Variants in MECR observed in about 807,000 individuals in gnomAD.
The protein encoded by MECR is mitochondrial trans-2-enoyl-CoA reductase, also known as enoyl-[acyl-carrier-protein] reductase, mitochondrial.
In MECR, 37 loss-of-function variants were observed where a neutral mutation model predicts 49.1. The observed-to-expected ratio is 0.75, with a 90% CI of 0.58 to 0.99. The LOEUF is 0.99. Ranked by LOEUF, MECR falls within the 50% of genes least tolerant of loss-of-function variation. The pLI, the probability that MECR is intolerant of heterozygous loss-of-function variation, is 0.00. For missense variants in MECR, 470 were observed against 479.6 expected (o/e 0.98, Z 0.19); for synonymous variants, 198 against 191.1 (o/e 1.04, Z -0.30).
the MECR span, chr1:29,169,035 A>G: frequency 6.0e-4 from 91 of 152,392 alleles, no homozygotes; most frequent in African/African-American, 1.8e-3. Context: ...ACTATTTTTA[A>G]CATGCAGCCC....
chr1:29,194,130 G>A lies in MECR; in HGVS notation c.1014C>T (p.Gly338=). 1 of 1,614,042 alleles carries A rather than the reference G, an allele frequency of 6.2e-7. No individual in the cohort carries two copies. Among genetic ancestry groups the A allele is most frequent in the South Asian group, 1.1e-5 (1 of 91,072 alleles). The change falls in exon 10 of 10, where the codon GGC becomes GGT. Residue 338 remains glycine (G), a synonymous_variant. Coordinates refer to ENST00000263702, the MANE Select transcript of MECR (RefSeq NM_016011.5). ...ILTLCDLIRR[G]QLTAPACSQV... Reference sequence around the variant, plus strand: ...GGGAGCAGGCAGGGGCTGTGAGCTGGCCTCGGCGGATGAGATCGCACAGTG... The same window carrying A: ...GGGAGCAGGCAGGGGCTGTGAGCTGACCTCGGCGGATGAGATCGCACAGTG...
At position 29,194,148 on chromosome 1, in the gene MECR, G is replaced by T; in HGVS notation, c.996C>A (p.Cys332Ter). 1 of 1,613,130 alleles carries T rather than the reference G, an allele frequency of 6.2e-7. No homozygotes were observed. The highest frequency in any genetic ancestry group is 8.5e-7 in the Non-Finnish European group (1 of 1,179,538). Residue 332 changes from cysteine to a stop codon, truncating the protein, a stop_gained, in exon 10 of 10, where the codon TGC (cysteine) becomes TGA (stop). Coordinates refer to ENST00000263702, the MANE Select transcript of MECR (RefSeq NM_016011.5). LOFTEE classifies it high-confidence loss of function. ...DQFKELILTL[C>*]DLIRRGQLTA... Reference sequence around the variant, plus strand: ...TGAGCTGGCCTCGGCGGATGAGATCGCACAGTGTGAGGATCAGCTCCTTGA... The same window carrying T: ...TGAGCTGGCCTCGGCGGATGAGATCTCACAGTGTGAGGATCAGCTCCTTGA...
rs762863000 is a variant in MECR, at chr1:29,201,786, C to T, written c.756+157G>A. 2.6e-5 allele frequency among the ~76,000 whole-genome samples: 4 copies of T among 152,146 alleles called. No individual in the cohort carries two copies. The highest frequency in any genetic ancestry group is 1.3e-4 in the Admixed American group (2 of 15,256). On this transcript the variant is annotated intron_variant, in intron 6 of 9. Coordinates refer to ENST00000263702, the MANE Select transcript of MECR (RefSeq NM_016011.5). The surrounding 1 kb of genome is among the most constrained non-coding windows in gnomAD (Gnocchi z 4.3). ...TGGGCACTTAATGCGTGCTGCCTGCCGCCTGGCTAGGGGGAATGGGCTTTA... is the reference window on the plus strand; with the variant it reads ...TGGGCACTTAATGCGTGCTGCCTGCTGCCTGGCTAGGGGGAATGGGCTTTA...
At chr1:29,168,739 A>C in the MECR span, 1 of 152,206 alleles carries the variant, frequency 6.6e-6, no homozygotes, top group African/African-American at 2.4e-5. Flanking sequence ...GGCTCAGCAA[A>C]AATTAGACCA....
chr1:29,195,944 G>C lies in MECR; in HGVS notation c.961C>G (p.Pro321Ala). 6.2e-7 allele frequency: 1 copy of C among 1,614,196 alleles called. No homozygotes were observed. Among genetic ancestry groups the C allele is most frequent in the Non-Finnish European group, 8.5e-7 (1 of 1,180,024 alleles). Residue 321 changes from proline (P) to alanine (A), a missense_variant, in exon 9 of 10, where the codon CCA becomes GCA. Transcript: ENST00000263702. ...TGGCACTGGGCCATGCACTCACCTGGACTGTGATCCTTCTTCCACTGGGAC... is the reference window on the plus strand; with the variant it reads ...TGGCACTGGGCCATGCACTCACCTGCACTGTGATCCTTCTTCCACTGGGAC... The part of the protein sequence containing the change: ...WLSQWKKDHS[P>A]DQFKELILTL...
chr1:29,187,033 CAGAT>C, the MECR span, among the ~76,000 whole-genome samples: 2 of 152,198 alleles, frequency 1.3e-5, no homozygotes, highest in Non-Finnish European at 2.9e-5. Context: ...TTCCTGCCTT[CAGAT>C]GCAAGCAGAT....
intron 6 of MECR, 31 bp from the exon 7 acceptor site, chr1:29,200,620 C>T: frequency 6.3e-7 from 1 of 1,597,630 alleles, no homozygotes; most frequent in Non-Finnish European, 8.6e-7. Context: ...AGTGAGGGAG[C>T]ATCCCCGCTC....
At chr1:29,228,280 CA>C (rs983261453) in intron 1 of MECR, among the ~76,000 whole-genome samples, 1 of 149,540 alleles carries the variant, frequency 6.7e-6, no homozygotes, top group Admixed American at 6.7e-5. Context: ...TGGGCAAATA[CA>C]AAAAATAAAA....
the MECR span, chr1:29,171,447 T>C: frequency 6.7e-6 from 1 of 148,740 alleles, no homozygotes; most frequent in Non-Finnish European, 1.5e-5. Flanking sequence ...ATTTCCGGAG[T>C]TGTCAATAAC....
the MECR span, among the ~76,000 whole-genome samples, chr1:29,179,363 T>C: frequency 6.6e-6 from 1 of 152,122 alleles, no homozygotes; most frequent in Non-Finnish European, 1.5e-5. Flanking sequence ...AAGTCAGCAT[T>C]GTACTTATTT....
At chr1:29,176,310 G>A in the MECR span, among the ~76,000 whole-genome samples, 1 of 151,874 alleles carries the variant, frequency 6.6e-6, no homozygotes, top group Admixed American at 6.6e-5. Flanking sequence ...GTTCCTAAAG[G>A]CAAAGTGTTT....
the MECR span, among the ~76,000 whole-genome samples, chr1:29,179,854 AT>A: frequency 3.9e-5 from 6 of 152,164 alleles, no homozygotes; most frequent in African/African-American, 1.4e-4. Flanking sequence ...CCCCCAATTC[AT>A]TTAGCACAGT....
At chr1:29,195,835 T>G (rs1673835802) in intron 9 of MECR, 106 bp downstream of exon 9, 1 of 1,100,686 alleles carries the variant, frequency 9.1e-7, no homozygotes, top group Admixed American at 1.7e-5. Flanking sequence ...TCTGTGGGGC[T>G]GGGGACCCAA....
At chr1:29,228,662 GA>G (rs995578718) in intron 1 of MECR, among the ~76,000 whole-genome samples, 8 of 152,188 alleles carry the variant, frequency 5.3e-5, no homozygotes, top group African/African-American at 1.9e-4. Flanking sequence ...AAGTTCCACA[GA>G]AGGACATAAT....
the MECR span, among the ~76,000 whole-genome samples, chr1:29,181,275 G>A: frequency 6.6e-6 from 1 of 152,222 alleles, no homozygotes; most frequent in African/African-American, 2.4e-5. Flanking sequence ...CCTCAGAGCG[G>A]GAAAGGTTGG....
intron 1 of MECR, among the ~76,000 whole-genome samples, chr1:29,220,263 TG>T (rs1232622277): frequency 6.7e-6 from 1 of 148,628 alleles, no homozygotes; most frequent in African/African-American, 2.5e-5. Flanking sequence ...TAGCCAGGCA[TG>T]GTGGTGTGCT....
At chr1:29,187,260 C>CTAGA in the MECR span, among the ~76,000 whole-genome samples, 1 of 152,152 alleles carries the variant, frequency 6.6e-6, no homozygotes, top group African/African-American at 2.4e-5. Context: ...GTTGCCCAGG[C>CTAGA]TAGAGTGCAG....
intron 3 of MECR, among the ~76,000 whole-genome samples, chr1:29,212,240 G>A (rs1386336077): frequency 2.0e-5 from 3 of 152,142 alleles, no homozygotes; most frequent in African/African-American, 7.2e-5. Context: ...CCAACAAGAC[G>A]AAACCCCATC....
At chr1:29,203,014 TA>T in intron 5 of MECR, 116 bp downstream of exon 5, 1 of 747,972 alleles carries the variant, frequency 1.3e-6, no homozygotes, top group Non-Finnish European at 2.1e-6. Context: ...TAGCGATGCC[TA>T]AAGCCAGTTT....
Sources: allele counts gnomAD v4.1 joint callset (sites outside exome capture counted in the v4.1 genomes callset), GRCh38; gene constraint gnomAD v4.1.1; non-coding constraint Gnocchi (gnomAD v3.1); transcripts MANE v1.5; gene names NCBI Gene and HGNC (gene_info 2026-07-23, HGNC 2026-07-21).